PRKG2: variants seen among roughly 807,000 people sequenced by gnomAD.
PRKG2 encodes the protein cGMP-dependent protein kinase 2.
In PRKG2, 33 loss-of-function variants were observed where a neutral mutation model predicts 97.2. That is an observed-to-expected ratio of 0.34 (90% CI 0.26 to 0.45). PRKG2 has a LOEUF of 0.45. PRKG2 is among the 20% of genes least tolerant of loss of function. The pLI is 1.00. For missense variants in PRKG2, 638 were observed against 900.0 expected (o/e 0.71, Z 3.73); for synonymous variants, 330 against 321.8 (o/e 1.03, Z -0.27).
At position 81,215,048 on chromosome 4, in the gene PRKG2, C is replaced by G. The variant is rs1477989810; in HGVS notation, c.-126G>C. On this transcript the variant is annotated 5_prime_UTR_variant, in exon 1 of 19. Coordinates refer to ENST00000264399, the MANE Select transcript of PRKG2 (RefSeq NM_006259.3). ...CCCCAGCCGCCTGCGGCGCCGGAGC[C>G]CAGCGCAGGTCAGCTCAGCCAGCCC... 6.6e-6 allele frequency: 1 copy of G among 152,520 alleles called. No homozygotes were observed. Among genetic ancestry groups the G allele is most frequent in the Non-Finnish European group, 1.5e-5 (1 of 68,288 alleles). 9.4% of individuals were successfully genotyped at this position (152,520 alleles called of 1,614,324 possible).
intron 13 of PRKG2, among the ~76,000 whole-genome samples, chr4:81,136,652 C>A (rs752649655): frequency 1.3e-5 from 2 of 152,016 alleles, no homozygotes; most frequent in Non-Finnish European, 2.9e-5. Context: ...GAGTTTAATT[C>A]GAATCCTTCC....
chr4:81,204,118 A>G (rs1753492505), intron 2 of PRKG2, among the ~76,000 whole-genome samples: 1 of 152,190 alleles, frequency 6.6e-6, no homozygotes, highest in Non-Finnish European at 1.5e-5. Context: ...GCTGGCAGAG[A>G]GTAGAGACCA....
intron 14 of PRKG2, among the ~76,000 whole-genome samples, chr4:81,130,896 C>A (rs1202469272): frequency 6.6e-6 from 1 of 152,176 alleles, no homozygotes; most frequent in East Asian, 1.9e-4. Flanking sequence ...GAATTTCAAA[C>A]CAGTGAATCT....
chr4:81,122,730 TGAA>T (rs931487430), intron 14 of PRKG2, among the ~76,000 whole-genome samples: 20 of 152,266 alleles, frequency 1.3e-4, no homozygotes, highest in African/African-American at 4.6e-4. Context: ...CAAGAATTGA[TGAA>T]GGAGGATGAA....
chr4:81,100,988 G>C (rs1249912267), intron 17 of PRKG2, among the ~76,000 whole-genome samples: 3 of 152,116 alleles, frequency 2.0e-5, no homozygotes, highest in African/African-American at 4.8e-5. Flanking sequence ...CTGGCCATCA[G>C]AGAAATGCAA....
chr4:81,145,410 CTT>C (rs1436128058), intron 9 of PRKG2, among the ~76,000 whole-genome samples: 2 of 152,110 alleles, frequency 1.3e-5, no homozygotes, highest in Non-Finnish European at 2.9e-5. Context: ...AAATTTATCT[CTT>C]GTCTCAAGAT....
At chr4:81,109,191 T>A (rs151322607) in intron 15 of PRKG2, among the ~76,000 whole-genome samples, 1 of 150,200 alleles carries the variant, frequency 6.7e-6, no homozygotes, top group African/African-American at 2.5e-5. Context: ...TGGTCTTTCA[T>A]ATTTGTTTGC....
At chr4:81,140,703 A>C in intron 11 of PRKG2, 34 bp from the exon 12 acceptor site, 1 of 1,557,022 alleles carries the variant, frequency 6.4e-7, no homozygotes, top group Non-Finnish European at 8.8e-7. Context: ...CTCAAAATTA[A>C]CTTATATCTA....
At chr4:81,172,809 A>G (rs1300178126) in intron 3 of PRKG2, among the ~76,000 whole-genome samples, 1 of 152,022 alleles carries the variant, frequency 6.6e-6, no homozygotes, top group Admixed American at 6.6e-5. Context: ...ATTCAGCAAA[A>G]CTGATCCGAG....
At chr4:81,112,325 G>T (rs547295227) in intron 14 of PRKG2, among the ~76,000 whole-genome samples, 1 of 152,192 alleles carries the variant, frequency 6.6e-6, no homozygotes, top group African/African-American at 2.4e-5. Flanking sequence ...GCACATCAAC[G>T]TATTCCTCAG....
intron 2 of PRKG2, among the ~76,000 whole-genome samples, chr4:81,185,680 C>A (rs1292448043): frequency 1.3e-5 from 2 of 151,958 alleles, no homozygotes; most frequent in African/African-American, 4.8e-5. Flanking sequence ...ACAGACTTGG[C>A]AAACTGGATA....
intron 14 of PRKG2, among the ~76,000 whole-genome samples, chr4:81,125,104 A>AT (rs1183557344): frequency 2.0e-5 from 3 of 151,894 alleles, no homozygotes; most frequent in Non-Finnish European, 2.9e-5. Context: ...CAGTTCACAG[A>AT]TTTTTTTCTT....
intron 6 of PRKG2, among the ~76,000 whole-genome samples, chr4:81,157,697 C>A (rs554793794): frequency 1.3e-5 from 2 of 151,888 alleles, no homozygotes; most frequent in Non-Finnish European, 2.9e-5. Context: ...TACTGGCAAA[C>A]CGAATCCAGC....
intron 14 of PRKG2, among the ~76,000 whole-genome samples, chr4:81,116,080 T>C (rs910069493): frequency 3.9e-5 from 6 of 152,204 alleles, no homozygotes; most frequent in Non-Finnish European, 8.8e-5. Context: ...AGGTTTGTTA[T>C]ATAAGTAAAT....
intron 11 of PRKG2, among the ~76,000 whole-genome samples, chr4:81,141,383 A>C (rs901964602): frequency 6.6e-6 from 1 of 152,156 alleles, no homozygotes; most frequent in Non-Finnish European, 1.5e-5. Context: ...AAATTAAATA[A>C]AATTAAAAAT....
At chr4:81,143,289 C>T (rs1417377156) in intron 10 of PRKG2, among the ~76,000 whole-genome samples, 1 of 151,876 alleles carries the variant, frequency 6.6e-6, no homozygotes, top group Non-Finnish European at 1.5e-5. Flanking sequence ...AATATATATA[C>T]CTCAAAAAAG....
intron 2 of PRKG2, among the ~76,000 whole-genome samples, chr4:81,198,336 G>T (rs1753091127): frequency 6.6e-6 from 1 of 152,152 alleles, no homozygotes; most frequent in Admixed American, 6.5e-5. Flanking sequence ...GGCACAAAGG[G>T]AGACTGGCTG....
chr4:81,097,520 T>C (rs1171765167), intron 17 of PRKG2, among the ~76,000 whole-genome samples: 1 of 152,310 alleles, frequency 6.6e-6, no homozygotes, highest in African/African-American at 2.4e-5. Context: ...ATAAGAGAGT[T>C]AATCTGTTCT....
chr4:81,212,510 C>A (rs1046665937), intron 1 of PRKG2, among the ~76,000 whole-genome samples: 1 of 152,060 alleles, frequency 6.6e-6, no homozygotes, highest in Non-Finnish European at 1.5e-5. Flanking sequence ...ACTGTGGCAA[C>A]TGGGTAAAAG....
Sources: allele counts gnomAD v4.1 joint callset (sites outside exome capture counted in the v4.1 genomes callset), GRCh38; gene constraint gnomAD v4.1.1; transcripts MANE v1.5; gene names NCBI Gene and HGNC (gene_info 2026-07-23, HGNC 2026-07-21).